The following RBMS1 variants were observed in gnomAD, a reference collection of about 807,000 sequenced individuals.
RBMS1 encodes the protein RNA binding motif single stranded interacting protein 1.
RBMS1 carries 17 observed loss-of-function variants against 62.3 expected under a neutral mutation model. The ratio of observed to expected loss-of-function variants is 0.27; its 90% CI spans 0.19 to 0.41. The LOEUF (loss-of-function observed/expected upper bound fraction) is 0.41, where lower values mean the gene tolerates loss of function less well. Among genes scored for constraint, RBMS1 ranks in the 10% least tolerant of loss-of-function variants. The probability of loss-of-function intolerance (pLI) is 1.00; values close to 1 mark genes in which losing one functional copy is unlikely to be tolerated. For synonymous variants in RBMS1, 172 were observed against 170.0 expected (o/e 1.01, Z -0.09); for missense variants, 334 against 504.5 (o/e 0.66, Z 3.24).
intron 1 of RBMS1, among the ~76,000 whole-genome samples, chr2:160,457,952 G>GTTT (rs752976329): frequency 1.8e-5 from 1 of 54,978 alleles, no homozygotes; most frequent in African/African-American, 5.0e-5. Context: ...TTATTGGTTT[G>GTTT]TTTGTTGTTG....
At chr2:160,306,075 G>A (rs1049315886) in intron 4 of RBMS1, among the ~76,000 whole-genome samples, 25 of 152,200 alleles carry the variant, frequency 1.6e-4, no homozygotes, top group Admixed American at 8.5e-4. Context: ...GTTGTAATGA[G>A]TTGTGATCAT....
intron 2 of RBMS1, among the ~76,000 whole-genome samples, chr2:160,326,815 T>C (rs961223460): frequency 3.3e-5 from 5 of 152,202 alleles, no homozygotes; most frequent in Non-Finnish European, 5.9e-5. Context: ...AAGGATTTCT[T>C]TGAAGAAGTC....
intron 1 of RBMS1, among the ~76,000 whole-genome samples, chr2:160,483,083 A>G (rs2105359485): frequency 6.6e-6 from 1 of 152,014 alleles, no homozygotes; most frequent in South Asian, 2.1e-4. Flanking sequence ...CTCTCTTAAA[A>G]AAAAAAAAAA....
chr2:160,454,136 A>G (rs1395418266), intron 1 of RBMS1, among the ~76,000 whole-genome samples: 5 of 152,234 alleles, frequency 3.3e-5, no homozygotes, highest in Admixed American at 6.5e-5. Context: ...ATCTCAATAA[A>G]TGTCTGTGTT....
intron 2 of RBMS1, among the ~76,000 whole-genome samples, chr2:160,324,725 T>C (rs1309907235): frequency 1.3e-5 from 2 of 151,360 alleles, no homozygotes; most frequent in African/African-American, 2.4e-5. Context: ...GGACAGGGGA[T>C]TGAAATGAGA....
At position 160,273,242 on chromosome 2, in the gene RBMS1, A is replaced by G. The variant is rs1362015344; in HGVS notation, c.*1530T>C. On this transcript the variant is annotated 3_prime_UTR_variant, in exon 14 of 14. Coordinates refer to ENST00000348849, the MANE Select transcript of RBMS1 (RefSeq NM_016836.4). ...ACTTGAACACTTGTAGTGATGATGT[A>G]AAGTGTGGCACTGCTTGGATCCAAA... 1 of 152,266 alleles carries G rather than the reference A, an allele frequency of 6.6e-6. No homozygotes were observed. Among genetic ancestry groups the G allele is most frequent in the East Asian group, 1.9e-4 (1 of 5,204 alleles). 9.4% of individuals were successfully genotyped at this position (152,266 alleles called of 1,614,324 possible). A position where few individuals can be genotyped will look rare whatever the true frequency, so the allele number is the denominator to read the frequency against.
chr2:160,313,288 T>A, intron 3 of RBMS1, 41 bp from the exon 4 acceptor site: 1 of 1,583,714 alleles, frequency 6.3e-7, no homozygotes, highest in Non-Finnish European at 8.6e-7. Context: ...GCCATTATTC[T>A]GTGGTTAGGT....
At chr2:160,288,072 A>G (rs1051055869) in intron 6 of RBMS1, among the ~76,000 whole-genome samples, 1 of 150,468 alleles carries the variant, frequency 6.6e-6, no homozygotes, top group South Asian at 2.1e-4. Flanking sequence ...TACAGACAGC[A>G]CAATAGGGCA....
intron 2 of RBMS1, among the ~76,000 whole-genome samples, chr2:160,333,714 G>C (rs780809469): frequency 2.6e-5 from 4 of 152,142 alleles, no homozygotes; most frequent in Non-Finnish European, 5.9e-5. Context: ...GTACAGGATG[G>C]GTGGTGGAGA....
chr2:160,322,171 C>A (rs1690596635), intron 2 of RBMS1, among the ~76,000 whole-genome samples: 1 of 152,096 alleles, frequency 6.6e-6, no homozygotes, highest in Middle Eastern at 3.2e-3. Context: ...GTTATTATTC[C>A]CATTTGTGCA....
chr2:160,386,235 T>C (rs886161231), intron 1 of RBMS1, among the ~76,000 whole-genome samples: 1 of 152,194 alleles, frequency 6.6e-6, no homozygotes, highest in African/African-American at 2.4e-5. Context: ...CCTAATGTAA[T>C]AGTATAGAAG....
intron 1 of RBMS1, among the ~76,000 whole-genome samples, chr2:160,473,684 G>GC (rs1685015726): frequency 6.6e-6 from 1 of 152,114 alleles, no homozygotes; most frequent in Non-Finnish European, 1.5e-5. Context: ...TTTATTCAAA[G>GC]CAATAGCTGC....
At chr2:160,320,699 G>T in intron 2 of RBMS1, among the ~76,000 whole-genome samples, 1 of 152,052 alleles carries the variant, frequency 6.6e-6, no homozygotes, top group East Asian at 1.9e-4. Flanking sequence ...CTTCTGCCAG[G>T]AGTGGAAGCT....
chr2:160,360,516 C>T (rs946020161), intron 2 of RBMS1, among the ~76,000 whole-genome samples: 6 of 152,190 alleles, frequency 3.9e-5, no homozygotes, highest in African/African-American at 1.4e-4. Context: ...CCAACCTACA[C>T]CTCCAGCCTC....
intron 4 of RBMS1, among the ~76,000 whole-genome samples, chr2:160,310,527 A>G (rs534187787): frequency 5.3e-5 from 8 of 152,358 alleles, no homozygotes; most frequent in African/African-American, 1.9e-4. Context: ...GCATTCTACC[A>G]AACACATATC....
chr2:160,483,227 G>C (rs1042901862), intron 1 of RBMS1, among the ~76,000 whole-genome samples: 12 of 151,860 alleles, frequency 7.9e-5, no homozygotes, highest in Non-Finnish European at 1.3e-4. Flanking sequence ...TATTTTTTAG[G>C]TAAAGAATAA....
At chr2:160,486,108 T>C (rs1685591456) in intron 1 of RBMS1, among the ~76,000 whole-genome samples, 2 of 152,204 alleles carry the variant, frequency 1.3e-5, no homozygotes, top group African/African-American at 4.8e-5. Flanking sequence ...GTAATTCTAC[T>C]GGTAAGGGAG....
At chr2:160,410,847 G>A (rs1272948622) in intron 1 of RBMS1, among the ~76,000 whole-genome samples, 2 of 152,178 alleles carry the variant, frequency 1.3e-5, no homozygotes, top group African/African-American at 4.8e-5. Flanking sequence ...GGGTTCCAGC[G>A]ATTCTTCTGC....
chr2:160,278,460 G>A, intron 11 of RBMS1, 88 bp downstream of exon 11: 5 of 1,041,400 alleles, frequency 4.8e-6, no homozygotes, highest in Non-Finnish European at 5.9e-6. Context: ...TGTTATCATA[G>A]AGGCTGTCAT....
Sources: gnomAD v4.1 joint callset for allele counts (sites outside exome capture counted in the v4.1 genomes callset) on GRCh38, gnomAD v4.1.1 for gene constraint, MANE v1.5 for transcripts, NCBI Gene and HGNC (gene_info 2026-07-23, HGNC 2026-07-21) for gene names.